MICAL3: variants seen among roughly 807,000 people sequenced by gnomAD.
MICAL3 encodes the protein microtubule associated monooxygenase, calponin and LIM domain containing 3.
In MICAL3, 62 loss-of-function variants were observed where a neutral mutation model predicts 207.4. The ratio of observed to expected loss-of-function variants is 0.30; its 90% CI spans 0.24 to 0.37. The LOEUF (loss-of-function observed/expected upper bound fraction) is 0.37, where lower values mean the gene tolerates loss of function less well. MICAL3 is among the 10% of genes least tolerant of loss of function. The probability of loss-of-function intolerance (pLI) is 1.00; values close to 1 mark genes in which losing one functional copy is unlikely to be tolerated. For missense variants in MICAL3, 2,368 were observed against 2,635.6 expected (o/e 0.90, Z 2.22); for synonymous variants, 1,077 against 1,069.3 (o/e 1.01, Z -0.14).
Position 17,993,951 on chromosome 22 carries a change from A to G in MICAL3, c.-75+30330T>C, listed in dbSNP as rs577786439. ...CCTTCATCTAAATCCTGACGCCACC[A>G]CTTGTTTTAGCCCTCTGTGCCCCAC... On this transcript the variant is annotated intron_variant, in intron 1 of 31. Coordinates refer to ENST00000441493, the MANE Select transcript of MICAL3 (RefSeq NM_015241.3). Among the ~76,000 whole-genome samples, 261 of 152,136 alleles carry G rather than the reference A, an allele frequency of 1.7e-3. 3 individuals are homozygous for G. Among genetic ancestry groups the G allele is most frequent in the African/African-American group, 5.1e-3 (213 of 41,508 alleles).
chr22:17,822,192 A>G, intron 23 of MICAL3, 22 bp from the exon 24 acceptor site: 1 of 1,611,152 alleles, frequency 6.2e-7, no homozygotes, highest in South Asian at 1.1e-5. Context: ...AAGGGGCAGA[A>G]GTGGGTGCAC....
intron 1 of MICAL3, among the ~76,000 whole-genome samples, chr22:17,942,701 C>A (rs114661684): frequency 1.3e-5 from 2 of 152,320 alleles, no homozygotes; most frequent in South Asian, 4.1e-4. Context: ...AGTGTCTGAA[C>A]AGCTATAGAT....
At chr22:17,977,536 TAA>T (rs34483330) in intron 1 of MICAL3, among the ~76,000 whole-genome samples, 3 of 137,720 alleles carry the variant, frequency 2.2e-5, no homozygotes, top group Non-Finnish European at 1.6e-5. Flanking sequence ...AAGACTATAA[TAA>T]AAAAAAAAAA....
In MICAL3 at chr22:17,950,211, G is replaced by A. The variant is rs569426251; in HGVS notation, c.-74-43325C>T. ...GAGTCTCGCTCTGTTACCCAGGCTG[G>A]AATGCAGTGGCGCTATCTTGGCTCA... On this transcript the variant is annotated intron_variant, in intron 1 of 31. Transcript: ENST00000441493. Among the ~76,000 whole-genome samples the A allele has an allele frequency of 5.5e-3, 820 of 150,152 alleles. 6 individuals carry two copies. Among genetic ancestry groups the A allele is most frequent in the African/African-American group, 0.02 (795 of 39,886 alleles).
At chr22:18,013,304 C>A (rs1383872855) in intron 1 of MICAL3, among the ~76,000 whole-genome samples, 2 of 152,226 alleles carry the variant, frequency 1.3e-5, no homozygotes, top group African/African-American at 4.8e-5. Flanking sequence ...CCAAAGTTAG[C>A]CCTAGAGCAT....
At chr22:17,951,793 C>T (rs900131808) in intron 1 of MICAL3, among the ~76,000 whole-genome samples, 4 of 151,750 alleles carry the variant, frequency 2.6e-5, no homozygotes, top group Non-Finnish European at 4.4e-5. Flanking sequence ...GCCTCCCAGG[C>T]TCAAGGGATT....
At chr22:17,915,989 C>T (rs992471316) in intron 1 of MICAL3, among the ~76,000 whole-genome samples, 1 of 133,320 alleles carries the variant, frequency 7.5e-6, no homozygotes, top group African/African-American at 2.8e-5. Flanking sequence ...CCCAGGAGGT[C>T]GAGGCTGCAG....
At chr22:17,937,085 T>C (rs1487772390) in intron 1 of MICAL3, among the ~76,000 whole-genome samples, 1 of 152,248 alleles carries the variant, frequency 6.6e-6, no homozygotes, top group Non-Finnish European at 1.5e-5. Context: ...GATGCTGATG[T>C]CTCTTCTTGA....
chr22:17,914,161 T>C (rs1310500682), intron 1 of MICAL3, among the ~76,000 whole-genome samples: 2 of 152,188 alleles, frequency 1.3e-5, no homozygotes, highest in African/African-American at 2.4e-5. Context: ...AGGGTTCAGA[T>C]GGTTTTGTTT....
intron 19 of MICAL3, among the ~76,000 whole-genome samples, chr22:17,849,873 T>C (rs2146097122): frequency 6.6e-6 from 1 of 151,682 alleles, no homozygotes; most frequent in South Asian, 2.1e-4. Context: ...TTTATATTTT[T>C]AGTACAGACG....
At chr22:18,017,174 T>A (rs1374124967) in intron 1 of MICAL3, among the ~76,000 whole-genome samples, 1 of 151,978 alleles carries the variant, frequency 6.6e-6, no homozygotes, top group Non-Finnish European at 1.5e-5. Context: ...CCATGCCCAT[T>A]CTCCTTTTTT....
intron 1 of MICAL3, among the ~76,000 whole-genome samples, chr22:18,008,510 T>A (rs1410093573): frequency 2.0e-5 from 3 of 152,166 alleles, no homozygotes; most frequent in African/African-American, 7.2e-5. Flanking sequence ...CTGGGCTGCA[T>A]TCATAGTCCT....
Position 17,817,320 on chromosome 22 carries a change from C to G in MICAL3, c.5341G>C (p.Val1781Leu), listed in dbSNP as rs777621120. Residue 1781 changes from valine to leucine, a missense_variant, in exon 26 of 32, where the codon GTA (valine) becomes CTA (leucine). Val to Leu is a conservative substitution (Grantham distance 32). Coordinates refer to ENST00000441493, the MANE Select transcript of MICAL3 (RefSeq NM_015241.3). Reference sequence around the variant, plus strand: ...CCGGCTGCTGACGCACCTGCCCTTACGACGGGAAGCACCCTGTGCTTTCCA... The same window carrying G: ...CCGGCTGCTGACGCACCTGCCCTTAGGACGGGAAGCACCCTGTGCTTTCCA... ...DSGKHRVLPV[V>L]RAELQLRRQL... is the part of the protein sequence containing the mutation. 1 of 1,597,410 alleles carries G rather than the reference C, an allele frequency of 6.3e-7. No homozygotes were observed. Among genetic ancestry groups the G allele is most frequent in the South Asian group, 1.1e-5 (1 of 89,166 alleles).
At chr22:17,872,375 G>A (rs1483094815) in intron 16 of MICAL3, among the ~76,000 whole-genome samples, 1 of 152,160 alleles carries the variant, frequency 6.6e-6, no homozygotes, top group East Asian at 1.9e-4. Flanking sequence ...GAGTCTTAGA[G>A]AAAGAGCAAT....
At chr22:17,939,196 A>G (rs967407534) in intron 1 of MICAL3, among the ~76,000 whole-genome samples, 2 of 152,176 alleles carry the variant, frequency 1.3e-5, no homozygotes, top group Non-Finnish European at 2.9e-5. Flanking sequence ...AGTCCCCACC[A>G]GCAAAAAGGC....
intron 1 of MICAL3, among the ~76,000 whole-genome samples, chr22:18,016,449 T>A (rs1334600657): frequency 6.6e-6 from 1 of 152,180 alleles, no homozygotes; most frequent in Non-Finnish European, 1.5e-5. Flanking sequence ...TTAACAACTA[T>A]AGACAGGTCA....
At chr22:17,983,079 C>G (rs1181145085) in intron 1 of MICAL3, 1 of 152,272 alleles carries the variant, frequency 6.6e-6, no homozygotes, top group African/African-American at 2.4e-5. Flanking sequence ...CTCATTCTGT[C>G]TACTGTTTTT....
intron 5 of MICAL3, among the ~76,000 whole-genome samples, chr22:17,901,584 C>T (rs545004337): frequency 6.6e-6 from 1 of 152,152 alleles, no homozygotes; most frequent in African/African-American, 2.4e-5. Flanking sequence ...ATGGGAGACT[C>T]GCTTGAGACC....
chr22:17,984,355 G>A (rs386375), intron 1 of MICAL3, among the ~76,000 whole-genome samples: 35,638 of 152,228 alleles, frequency 0.23, 4,782 homozygotes, highest in East Asian at 0.51. Context: ...ACCATACAGT[G>A]TTTCACCTAA....
Sources: allele counts gnomAD v4.1 joint callset (sites outside exome capture counted in the v4.1 genomes callset), GRCh38; gene constraint gnomAD v4.1.1; transcripts MANE v1.5; gene names NCBI Gene and HGNC (gene_info 2026-07-23, HGNC 2026-07-21).